The following PCBP2 variants were observed in gnomAD, a reference collection of about 807,000 sequenced individuals.
PCBP2 encodes the protein poly(rC) binding protein 2, also known as poly(rC)-binding protein 2.
A neutral mutation model predicts 50.1 loss-of-function variants in PCBP2; 4 were observed. That is an observed-to-expected ratio of 0.08 (90% CI 0.04 to 0.18). The LOEUF is 0.18. PCBP2 is among the 10% of genes least tolerant of loss of function. PCBP2 has a pLI of 1.00. For synonymous variants in PCBP2, 179 were observed against 168.0 expected, an observed-to-expected ratio of 1.07 and a Z score of -0.51; for missense variants, 161 against 474.3, an observed-to-expected ratio of 0.34 and a Z score of 6.14.
At chr12:53,468,916 C>CTT in intron 13 of PCBP2, 84 bp downstream of exon 13, 1 of 841,368 alleles carries the variant, frequency 1.2e-6, no homozygotes, top group East Asian at 2.8e-5. Context: ...GTCCTGCTAC[C>CTT]CTTTTTTTTT....
chr12:53,468,610 C>T, intron 12 of PCBP2, 167 bp from the exon 13 acceptor site: 10 of 619,794 alleles, frequency 1.6e-5, no homozygotes, highest in East Asian at 2.8e-5. Flanking sequence ...TATTTCTACA[C>T]CCTTCTCCCC....
intron 14 of PCBP2, among the ~76,000 whole-genome samples, chr12:53,478,718 A>AT (rs1345793720): frequency 6.6e-6 from 1 of 152,124 alleles, no homozygotes; most frequent in Non-Finnish European, 1.5e-5. Flanking sequence ...AGGCAAGAGA[A>AT]TTGCTTGAGC....
At chr12:53,469,428 T>C (rs1942049658) in intron 13 of PCBP2, among the ~76,000 whole-genome samples, 3 of 151,870 alleles carry the variant, frequency 2.0e-5, no homozygotes, top group Non-Finnish European at 2.9e-5. Flanking sequence ...TTGCTGAAAA[T>C]AGAAATTCCT....
rs913579625 is a variant in PCBP2 at position 53,468,021 on chromosome 12, C to T, written c.826+178C>T. 1.2e-5 allele frequency: 7 copies of T among 599,420 alleles called. No individual in the cohort carries two copies. In the East Asian group the frequency reaches 1.4e-4, roughly 12 times the overall value. The allele number at this position is 599,420 out of a possible 1,614,324, so 37.1% of individuals were successfully genotyped here. ...GGTCCCTTGATGGATCTGGCCAACC[C>T]CCTTCTAAAAATGATGAGACAGCAG... On this transcript the variant is annotated intron_variant, in intron 12 of 14. Coordinates refer to ENST00000546463, the MANE Select transcript of PCBP2 (RefSeq NM_031989.5).
rs370224745 is a variant in PCBP2 at position 53,459,256 on chromosome 12, T to G, written c.244-16T>G. 2.1e-4 allele frequency: 328 copies of G among 1,588,472 alleles called. No homozygotes were observed. Among genetic ancestry groups the G allele is most frequent in the Middle Eastern group, 4.0e-4 (2 of 5,006 alleles). On this transcript the variant is annotated splice_polypyrimidine_tract_variant and intron_variant, in intron 5 of 14. Coordinates refer to ENST00000546463, the MANE Select transcript of PCBP2 (RefSeq NM_031989.5). ...TTCCAGGGATCTGCTTATTGTGGTG[T>G]TCTTTCTTTCTGTAGGACATAAGCA...
rs1165802592 is a variant in PCBP2, at chr12:53,452,212, C to T, written c.-240C>T. ...CGCCGCCCTCCACCCGCCCCGGGGT[C>T]TCTTTCCCCCTTCCTCCTCCTCCTC... On this transcript the variant is annotated 5_prime_UTR_variant, in exon 1 of 15. Transcript: ENST00000546463. 7.7e-6 allele frequency: 1 copy of T among 130,380 alleles called. No individual in the cohort carries two copies. The highest frequency in any genetic ancestry group is 1.7e-5 in the Non-Finnish European group (1 of 59,678). 8.1% of individuals were successfully genotyped at this position (130,380 alleles called of 1,614,324 possible).
chr12:53,457,431 C>T (rs1565858085), intron 5 of PCBP2, among the ~76,000 whole-genome samples: 1 of 151,918 alleles, frequency 6.6e-6, no homozygotes, highest in Non-Finnish European at 1.5e-5. Flanking sequence ...GTTGTGTTAC[C>T]ATGGCTCACT....
intron 5 of PCBP2, among the ~76,000 whole-genome samples, chr12:53,457,621 C>G (rs1343143731): frequency 6.6e-6 from 1 of 152,168 alleles, no homozygotes; most frequent in Admixed American, 6.5e-5. Flanking sequence ...GCTGGGATTA[C>G]AGGCAGAAGC....
At chr12:53,475,438 CCA>C in intron 14 of PCBP2, 2 of 295,600 alleles carry the variant, frequency 6.8e-6, no homozygotes, top group South Asian at 3.0e-5. Context: ...TTATCTAGAG[CCA>C]CAGTTTTCTC....
chr12:53,464,328 C>T (rs946687960), intron 8 of PCBP2: 1 of 149,550 alleles, frequency 6.7e-6, no homozygotes, highest in African/African-American at 2.5e-5. Flanking sequence ...CTCCCTCCCT[C>T]CCCTTTATTT....
chr12:53,461,715 CGTGT>C (rs548706003), intron 7 of PCBP2, among the ~76,000 whole-genome samples: 2 of 150,636 alleles, frequency 1.3e-5, no homozygotes, highest in Admixed American at 6.6e-5. Context: ...CGAATTTTTT[CGTGT>C]GTGTGTGTGT....
At chr12:53,454,572 T>C in intron 1 of PCBP2, 154 bp from the exon 2 acceptor site, 1 of 536,956 alleles carries the variant, frequency 1.9e-6, no homozygotes, top group South Asian at 2.0e-5. Context: ...GCTGTATATT[T>C]TGTCATGCAG....
At chr12:53,456,562 C>T (rs963234680) in intron 5 of PCBP2, among the ~76,000 whole-genome samples, 2 of 152,092 alleles carry the variant, frequency 1.3e-5, no homozygotes, top group Admixed American at 6.5e-5. Context: ...TATGCCATTG[C>T]TTTGGTAAAA....
chr12:53,452,856 A>C (rs1302446324), intron 1 of PCBP2: 1 of 151,710 alleles, frequency 6.6e-6, no homozygotes, highest in Non-Finnish European at 1.5e-5. Flanking sequence ...AGTCGAGGGA[A>C]GGGGGGGCTT....
In PCBP2 at chr12:53,480,547, A is replaced by T. The variant is rs1942981726; in HGVS notation, c.*1105A>T. 1 of 152,658 alleles carries T rather than the reference A, an allele frequency of 6.6e-6. No homozygotes were observed. The highest frequency in any genetic ancestry group is 1.5e-5 in the Non-Finnish European group (1 of 68,074). The allele number at this position is 152,658 out of a possible 1,614,324, so 9.5% of individuals were successfully genotyped here. The stretch of plus-strand genomic sequence containing the variant: ...TTTTTCACAGGGGTTACAGTAGGAC[A>T]GTCCCCACCCCAATCAGGCACCAGG... On this transcript the variant is annotated 3_prime_UTR_variant, in exon 15 of 15. Transcript: ENST00000546463.
chr12:53,470,335 C>G (rs1321919900), intron 13 of PCBP2, among the ~76,000 whole-genome samples: 2 of 147,784 alleles, frequency 1.4e-5, no homozygotes, highest in South Asian at 2.2e-4. Flanking sequence ...CAAGATCGTG[C>G]CACTGCACTC....
At chr12:53,464,624 C>T (rs1229320263) in intron 8 of PCBP2, 136 bp from the exon 9 acceptor site, 58 of 1,202,956 alleles carry the variant, frequency 4.8e-5, no homozygotes, top group Non-Finnish European at 6.3e-5. Flanking sequence ...GATTACAGCT[C>T]GTTTCAAATT....
At chr12:53,474,516 C>T (rs895846666) in intron 14 of PCBP2, among the ~76,000 whole-genome samples, 3 of 150,058 alleles carry the variant, frequency 2.0e-5, no homozygotes, top group Non-Finnish European at 4.5e-5. Flanking sequence ...ACATTTCTTC[C>T]TTGTTGGGTG....
intron 13 of PCBP2, among the ~76,000 whole-genome samples, chr12:53,471,325 A>G (rs1475444250): frequency 6.6e-6 from 1 of 151,292 alleles, no homozygotes; most frequent in East Asian, 1.9e-4. Context: ...TATACCTGTA[A>G]TCCCAGCACT....
Sources: allele counts gnomAD v4.1 joint callset (sites outside exome capture counted in the v4.1 genomes callset), GRCh38; gene constraint gnomAD v4.1.1; transcripts MANE v1.5; gene names NCBI Gene and HGNC (gene_info 2026-07-23, HGNC 2026-07-21).